TPRG1: variants seen among roughly 807,000 people sequenced by gnomAD.
TPRG1 encodes the protein tumor protein p63-regulated gene 1 protein.
In TPRG1, 29 loss-of-function variants were observed where a neutral mutation model predicts 29.3. The observed-to-expected ratio is 0.99, with a 90% CI of 0.74 to 1.35. TPRG1 has a LOEUF of 1.35. Among genes scored for constraint, TPRG1 ranks in the 40% most tolerant of loss-of-function variants. The pLI is 0.00. For missense variants in TPRG1, 327 were observed against 335.0 expected, an observed-to-expected ratio of 0.98 and a Z score of 0.19; for synonymous variants, 130 against 116.8, an observed-to-expected ratio of 1.11 and a Z score of -0.73.
At chr3:189,206,828 T>TGTGTGTGTGTGTGTGTGC (rs1001912347) in intron 1 of TPRG1, among the ~76,000 whole-genome samples, 5 of 151,900 alleles carry the variant, frequency 3.3e-5, no homozygotes, top group South Asian at 2.1e-4. Context: ...TGTGTGTGTG[T>TGTGTGTGTGTGTGTGTGC]GCACGCGTGT....
chr3:189,204,179 C>G (rs545692606), intron 1 of TPRG1, among the ~76,000 whole-genome samples: 11 of 151,980 alleles, frequency 7.2e-5, no homozygotes, highest in Admixed American at 3.9e-4. Flanking sequence ...AACAGCAAAT[C>G]TTTTCAGTTC....
At chr3:189,122,083 G>A (rs1218073141) in intron 1 of TPRG1, among the ~76,000 whole-genome samples, 1 of 151,980 alleles carries the variant, frequency 6.6e-6, no homozygotes, top group Non-Finnish European at 1.5e-5. Context: ...ATTGCTTTGA[G>A]TTGTCTATAC....
Position 189,111,193 on chromosome 3 carries a change from CA to C in TPRG1, c.-744+10990del, listed in dbSNP as rs371943761. 1.3e-4 allele frequency among the ~76,000 whole-genome samples: 20 copies of C among 152,014 alleles called. No individual in the cohort carries two copies. The East Asian group carries it at 3.9e-3, about 29-fold the overall frequency. On this transcript the variant is annotated intron_variant, in intron 1 of 6. Coordinates refer to the TPRG1 transcript ENST00000412373. ...AATTAACATATTAATAATGTTGAGT[CA>C]TCTGATCCATGAACATAGTATATAT...
At chr3:189,143,201 C>T (rs1724808212) in intron 3 of TPRG1, among the ~76,000 whole-genome samples, 1 of 152,086 alleles carries the variant, frequency 6.6e-6, no homozygotes, top group Admixed American at 6.5e-5. Context: ...AAAGGTTTTA[C>T]ATCCATCAGA....
intron 3 of TPRG1, among the ~76,000 whole-genome samples, chr3:189,141,683 A>G (rs991366852): frequency 2.6e-5 from 4 of 152,212 alleles, no homozygotes; most frequent in African/African-American, 9.7e-5. Flanking sequence ...TTTATTGAGC[A>G]CCCAGTATTA....
intron 1 of TPRG1, among the ~76,000 whole-genome samples, chr3:189,109,733 A>G (rs1381755177): frequency 1.3e-5 from 2 of 152,166 alleles, no homozygotes; most frequent in African/African-American, 4.8e-5. Flanking sequence ...TTAGTACACA[A>G]TTCTATGAGT....
At chr3:189,279,247 G>C (rs1297338933) in intron 4 of TPRG1, among the ~76,000 whole-genome samples, 1 of 152,110 alleles carries the variant, frequency 6.6e-6, no homozygotes, top group Non-Finnish European at 1.5e-5. Flanking sequence ...GAAGAGAGTG[G>C]AGAGTCAGAA....
chr3:189,093,643 T>C (rs1718484946), intron 4 of TPRG1, among the ~76,000 whole-genome samples: 1 of 152,220 alleles, frequency 6.6e-6, no homozygotes, highest in African/African-American at 2.4e-5. Flanking sequence ...CGGGGCTATT[T>C]CCTTTCATTT....
chr3:189,209,776 A>G (rs1734974251), intron 2 of TPRG1, among the ~76,000 whole-genome samples: 1 of 152,192 alleles, frequency 6.6e-6, no homozygotes, highest in Non-Finnish European at 1.5e-5. Context: ...AATCAATGCG[A>G]AGAATATCTT....
intron 4 of TPRG1, among the ~76,000 whole-genome samples, chr3:189,239,394 A>T (rs946630686): frequency 2.6e-5 from 4 of 152,194 alleles, no homozygotes; most frequent in Non-Finnish European, 5.9e-5. Flanking sequence ...AACACATGTG[A>T]ATTCTGGGAG....
chr3:189,109,398 C>T (rs1421869830), intron 1 of TPRG1, among the ~76,000 whole-genome samples: 1 of 152,158 alleles, frequency 6.6e-6, no homozygotes, highest in Non-Finnish European at 1.5e-5. Context: ...GCTCATATGT[C>T]CTGGGACAAG....
At chr3:189,215,574 C>T (rs1735944624) in intron 3 of TPRG1, among the ~76,000 whole-genome samples, 191 bp downstream of exon 3, 1 of 152,148 alleles carries the variant, frequency 6.6e-6, no homozygotes, top group African/African-American at 2.4e-5. Context: ...GACTCCTATA[C>T]CTGTTTTCTG....
In TPRG1 at chr3:189,078,091, C is replaced by CTTTCTT. The variant is rs1405506196; in HGVS notation, c.-462-48965_-462-48964insTTCTTT. 2.9e-4 allele frequency among the ~76,000 whole-genome samples: 25 copies of CTTTCTT among 85,204 alleles called. No homozygotes were observed. The Admixed American group carries it at 3.2e-3, about 11-fold the overall frequency. 55.9% of individuals were successfully genotyped at this position (85,204 alleles called of 152,430 possible). ...CTCCTTTCTCTCTTTCTCTCTTTCT[C>CTTTCTT]TCTTTCTTTCTTTCTTTCTTTCTTT... On this transcript the variant is annotated intron_variant, in intron 4 of 10. Transcript: ENST00000433971.
chr3:189,146,640 A>G (rs779128263), intron 3 of TPRG1, among the ~76,000 whole-genome samples: 8 of 152,200 alleles, frequency 5.3e-5, no homozygotes, highest in Non-Finnish European at 1.0e-4. Context: ...TCAACACACT[A>G]CAAGTTCCTT....
chr3:189,078,120 TCTTTCTTTCTTTCTTTC>T (rs1423541405), intron 4 of TPRG1, among the ~76,000 whole-genome samples: 20 of 143,966 alleles, frequency 1.4e-4, no homozygotes, highest in African/African-American at 5.0e-4. Flanking sequence ...TTTCTTTCTT[TCTTTCTTTCTTTCTTTC>T]CTTTCTTTTT....
chr3:189,062,155 A>C (rs1034263051), intron 4 of TPRG1, among the ~76,000 whole-genome samples: 1 of 152,236 alleles, frequency 6.6e-6, no homozygotes, highest in Non-Finnish European at 1.5e-5. Flanking sequence ...ATGGAGCTGG[A>C]GGCTATTATC....
intron 1 of TPRG1, chr3:189,190,957 C>T: frequency 1.0e-6 from 1 of 985,324 alleles, no homozygotes; most frequent in South Asian, 4.7e-5. Context: ...GATAAATATT[C>T]ACAGAAGCAA....
At chr3:189,196,670 T>C (rs1732584289) in intron 1 of TPRG1, among the ~76,000 whole-genome samples, 1 of 152,156 alleles carries the variant, frequency 6.6e-6, no homozygotes, top group African/African-American at 2.4e-5. Context: ...GTGGGAATTA[T>C]GGGAGCTACA....
rs145199373 is a variant in TPRG1, at chr3:189,159,889, C to T, written c.-10+9017C>T. On this transcript the variant is annotated intron_variant, in intron 5 of 6. Transcript: ENST00000412373. ...GTGTGGTGGTGGGGGTAGGGGTTCA[C>T]GAGCTGCAAAGATCCACTGTCATCA... Among the ~76,000 whole-genome samples the T allele has an allele frequency of 1.7e-3, 244 of 141,446 alleles. 1 individual carries two copies. The highest frequency in any genetic ancestry group is 3.0e-3 in the Non-Finnish European group (190 of 63,400). 92.8% of individuals were successfully genotyped at this position (141,446 alleles called of 152,430 possible). A position where few individuals can be genotyped will look rare whatever the true frequency, so the allele number is the denominator to read the frequency against.
Sources: allele counts gnomAD v4.1 joint callset (sites outside exome capture counted in the v4.1 genomes callset), GRCh38; gene constraint gnomAD v4.1.1; transcripts MANE v1.5; gene names NCBI Gene and HGNC (gene_info 2026-07-23, HGNC 2026-07-21).